TBC1D17: variants seen among roughly 807,000 people sequenced by gnomAD.
TBC1D17 encodes TBC1 domain family, member 17.
TBC1D17 carries 69 observed loss-of-function variants against 78.8 expected under a neutral mutation model. The ratio of observed to expected loss-of-function variants is 0.88; its 90% confidence interval spans 0.72 to 1.07. The LOEUF is 1.07. TBC1D17 is among the 50% of genes least tolerant of loss of function. The pLI is 0.00. For synonymous variants in TBC1D17, 456 were observed against 358.3 expected, an observed-to-expected ratio of 1.27 and a Z score of -3.08; for missense variants, 957 against 861.0, an observed-to-expected ratio of 1.11 and a Z score of -1.39.
At chr19:49,878,637 A>G in intron 3 of TBC1D17, 65 bp downstream of exon 3, 2 of 1,501,844 alleles carry the variant, frequency 1.3e-6, no homozygotes, top group Admixed American at 1.7e-5. Flanking sequence ...GTTGTAAGTC[A>G]TTTGAGGGAC....
At chr19:49,887,056 C>T (rs1228152121) in intron 13 of TBC1D17, 11 of 222,080 alleles carry the variant, frequency 5.0e-5, no homozygotes, top group African/African-American at 1.6e-4. Context: ...TGGCTGGTCT[C>T]GAACTCCTGA....
chr19:49,878,158 G>A lies in TBC1D17; in HGVS notation c.37G>A (p.Gly13Ser), dbSNP rs770579085. The change falls in exon 2 of 17, where the codon GGC becomes AGC. Residue 13 changes from glycine (G) to serine (S), a missense_variant. Physicochemically the swap from Gly to Ser is moderately conservative, Grantham distance 56. Coordinates refer to ENST00000221543, the MANE Select transcript of TBC1D17 (RefSeq NM_024682.3). Reference protein sequence around the residue: ...GAGYRVVFEKGGVYLHTSAKK... With the variant: ...GAGYRVVFEKSGVYLHTSAKK... The stretch of plus-strand genomic sequence containing the variant: ...CCCAACTCAGGTGGTGTTTGAGAAG[G>A]GCGGAGTGTACCTGCACACCAGCGC... 2.5e-6 allele frequency: 4 copies of A among 1,578,312 alleles called. No homozygotes were observed. The South Asian group carries it at 3.5e-5, about 14-fold the overall frequency.
In TBC1D17 at chr19:49,881,445, G is replaced by T. The variant is rs573671420; in HGVS notation, c.497G>T (p.Arg166Leu). The T allele has an allele frequency of 6.2e-7, 1 of 1,610,718 alleles. No homozygotes were observed. Among genetic ancestry groups the T allele is most frequent in the African/African-American group, 1.3e-5 (1 of 74,896 alleles). Residue 166 changes from arginine (R) to leucine (L), a missense_variant, in exon 5 of 17, where the codon CGC becomes CTC. Coordinates refer to ENST00000221543, the MANE Select transcript of TBC1D17 (RefSeq NM_024682.3). ...CGCGGGGGCACCCGCGCCCTGCTCCGCGTCCTCAGCCGCTACCTGCTGTTG... is the reference window on the plus strand; with the variant it reads ...CGCGGGGGCACCCGCGCCCTGCTCCTCGTCCTCAGCCGCTACCTGCTGTTG... ...FHRGGTRALL[R>L]VLSRYLLLAS...
At chr19:49,880,943 G>T (rs558388897) in intron 4 of TBC1D17, among the ~76,000 whole-genome samples, 1 of 152,322 alleles carries the variant, frequency 6.6e-6, no homozygotes, top group African/African-American at 2.4e-5. Flanking sequence ...TCAAGTGTGG[G>T]ATTTTGAGTG....
At position 49,880,404 on chromosome 19, in the gene TBC1D17, T is replaced by C. The variant is rs1254822198; in HGVS notation, c.319+2T>C. 1.9e-6 allele frequency: 3 copies of C among 1,612,112 alleles called. No homozygotes were observed. The highest frequency in any genetic ancestry group is 1.7e-6 in the Non-Finnish European group (2 of 1,178,860). On this transcript the variant is annotated splice_donor_variant, in intron 4 of 16. Transcript: ENST00000221543. LOFTEE classifies it high-confidence loss of function. ...TCTGCCACTCAGAGCCCACGAGAGG[T>C]AGGCTGAGGTGGCGGCCCTTGAGAA...
At position 49,882,056 on chromosome 19, in the gene TBC1D17, C is replaced by T. The variant is rs2075019263; in HGVS notation, c.543C>T (p.Ser181=). 8 of 1,613,934 alleles carry T rather than the reference C, an allele frequency of 5.0e-6. No homozygotes were observed. Among genetic ancestry groups the T allele is most frequent in the South Asian group, 1.1e-5 (1 of 91,082 alleles). ...YLLLASSPQD[S]RLYLVFPHDS... ...CGCCTCCCAGCTCCCCGCAGGACTCCCGCCTCTACCTTGTCTTCCCCCACG... is the reference window on the plus strand; with the variant it reads ...CGCCTCCCAGCTCCCCGCAGGACTCTCGCCTCTACCTTGTCTTCCCCCACG... Residue 181 remains serine (S), a synonymous_variant, in exon 6 of 17, where the codon TCC becomes TCT. Coordinates refer to ENST00000221543, the MANE Select transcript of TBC1D17 (RefSeq NM_024682.3).
intron 13 of TBC1D17, chr19:49,886,730 A>T (rs929662254): frequency 6.6e-6 from 1 of 152,372 alleles, no homozygotes; most frequent in Non-Finnish European, 1.5e-5. Context: ...CTCAAAGGTT[A>T]GAATGCTCAG....
At chr19:49,878,631 T>C in intron 3 of TBC1D17, 59 bp downstream of exon 3, 1 of 1,548,880 alleles carries the variant, frequency 6.5e-7, no homozygotes, top group Non-Finnish European at 8.9e-7. Context: ...CGTGCTGTTG[T>C]AAGTCATTTG....
chr19:49,880,337 A>G lies in TBC1D17; in HGVS notation c.254A>G (p.Tyr85Cys), dbSNP rs150711060. Reference protein sequence around the residue: ...SEEEPTFDPGYEPDWAVISTV... With the variant: ...SEEEPTFDPGCEPDWAVISTV... ...GAGGAACCAACCTTTGACCCCGGCTATGAACCTGACTGGGCTGTCATCAGC... is the reference window on the plus strand; with the variant it reads ...GAGGAACCAACCTTTGACCCCGGCTGTGAACCTGACTGGGCTGTCATCAGC... The change falls in exon 4 of 17, where the codon TAT becomes TGT. Residue 85 changes from tyrosine to cysteine, a missense_variant. Transcript: ENST00000221543. 2.5e-5 allele frequency: 41 copies of G among 1,613,960 alleles called. No individual in the cohort carries two copies. The Middle Eastern group carries it at 4.9e-4, about 19-fold the overall frequency.
At chr19:49,888,206 G>A in intron 15 of TBC1D17, 25 bp from the exon 16 acceptor site, 18 of 1,561,488 alleles carry the variant, frequency 1.2e-5, no homozygotes, top group Non-Finnish European at 1.6e-5. Context: ...GTGCCGACTG[G>A]CGCCTGACCC....
At chr19:49,878,384 C>A in intron 2 of TBC1D17, 114 bp from the exon 3 acceptor site, 2 of 1,259,592 alleles carry the variant, frequency 1.6e-6, no homozygotes, top group Non-Finnish European at 2.3e-6. Context: ...GAATGAGGGG[C>A]GGGACTTTGA....
Position 49,882,995 on chromosome 19 carries a change from G to T in TBC1D17, c.950G>T (p.Arg317Leu), listed in dbSNP as rs139889935. The change falls in exon 9 of 17, where the codon CGC (arginine) becomes CTC (leucine). Residue 317 changes from arginine to leucine, a missense_variant. Physicochemically the swap from Arg to Leu is moderately radical, Grantham distance 102 (BLOSUM62 -2). Transcript: ENST00000221543. ...CAGGGTCTGAGCCCCAGCCTGCGGCGCGAGGCCTGGAAGTTCCTCCTAGGG... is the reference window on the plus strand; with the variant it reads ...CAGGGTCTGAGCCCCAGCCTGCGGCTCGAGGCCTGGAAGTTCCTCCTAGGG... ...FSGGLSPSLRREAWKFLLGYL... is the reference protein window; with the variant it reads ...FSGGLSPSLRLEAWKFLLGYL... 2 of 1,610,796 alleles carry T rather than the reference G, an allele frequency of 1.2e-6. No homozygotes were observed. Among genetic ancestry groups the T allele is most frequent in the Non-Finnish European group, 1.7e-6 (2 of 1,178,654 alleles).
chr19:49,884,210 C>T (rs1568676383), intron 10 of TBC1D17, 43 bp from the exon 11 acceptor site: 1 of 1,577,976 alleles, frequency 6.3e-7, no homozygotes. Context: ...GGATGGGCCC[C>T]CCTACCTTTC....
chr19:49,882,386 G>A lies in TBC1D17; in HGVS notation c.784G>A (p.Glu262Lys), dbSNP rs1377209858. 1.9e-6 allele frequency: 3 copies of A among 1,606,334 alleles called. No homozygotes were observed. Among genetic ancestry groups the A allele is most frequent in the African/African-American group, 2.7e-5 (2 of 74,914 alleles). Residue 262 changes from glutamate (E) to lysine (K), a missense_variant, in exon 7 of 17, where the codon GAG (glutamate) becomes AAG (lysine). Physicochemically the swap from Glu to Lys is moderately conservative, Grantham distance 56. Transcript: ENST00000221543. ...CGACGATGAGCCCGAGCCTGGATTC[G>A]AGGTCATTTCCTGTGTGAGTAGTGA... ...PPDDEPEPGF[E>K]VISCVELGPR...
chr19:49,884,513 A>C lies in TBC1D17; in HGVS notation c.1298A>C (p.Asn433Thr), dbSNP rs2075042951. 1 of 1,614,108 alleles carries C rather than the reference A, an allele frequency of 6.2e-7. No homozygotes were observed. Among genetic ancestry groups the C allele is most frequent in the Non-Finnish European group, 8.5e-7 (1 of 1,180,012 alleles). ...LLSPILYVIQ[N>T]EVDAFWCFCG... Reference sequence around the variant, plus strand: ...TCCCCGATCCTCTACGTCATTCAGAACGAGGTGGATGCTTTCTGGTGTTTC... The same window carrying C: ...TCCCCGATCCTCTACGTCATTCAGACCGAGGTGGATGCTTTCTGGTGTTTC... Residue 433 changes from asparagine to threonine, a missense_variant, in exon 12 of 17, where the codon AAC (asparagine) becomes ACC (threonine). Transcript: ENST00000221543.
At position 49,887,941 on chromosome 19, in the gene TBC1D17, G is replaced by A. The variant is rs1600455467; in HGVS notation, c.1659+107G>A. ...TTTAGTGTGGGATTATTGAAAGCCT[G>A]GTTAGTTGGGAGCGCAGTGGGGGTG... is the stretch of plus-strand genomic sequence containing the variant. On this transcript the variant is annotated intron_variant, in intron 15 of 16. Coordinates refer to ENST00000221543, the MANE Select transcript of TBC1D17 (RefSeq NM_024682.3). 6 of 1,081,608 alleles carry A rather than the reference G, an allele frequency of 5.5e-6. No homozygotes were observed. In the South Asian group the frequency reaches 6.3e-5, roughly 11 times the overall value. 67.0% of individuals were successfully genotyped at this position (1,081,608 alleles called of 1,614,324 possible).
At chr19:49,887,613 G>T (rs767412358) in intron 14 of TBC1D17, 40 bp downstream of exon 14, 7 of 1,611,910 alleles carry the variant, frequency 4.3e-6, no homozygotes, top group Non-Finnish European at 5.9e-6. Context: ...GAAGGGGTGG[G>T]CTCACCTGCC....
intron 15 of TBC1D17, 85 bp from the exon 16 acceptor site, chr19:49,888,146 T>C: frequency 1.3e-6 from 2 of 1,545,532 alleles, no homozygotes; most frequent in Non-Finnish European, 8.7e-7. Context: ...TGTGTCTTCA[T>C]TGTTTCCCAG....
At chr19:49,879,978 C>T (rs1475893722) in intron 3 of TBC1D17, among the ~76,000 whole-genome samples, 5 of 151,748 alleles carry the variant, frequency 3.3e-5, no homozygotes, top group African/African-American at 4.8e-5. Context: ...CTCACCCTCC[C>T]GAGTAGCTGG....
Sources: gnomAD v4.1 joint callset for allele counts (sites outside exome capture counted in the v4.1 genomes callset) on GRCh38, gnomAD v4.1.1 for gene constraint, MANE v1.5 for transcripts, NCBI Gene and HGNC (gene_info 2026-07-23, HGNC 2026-07-21) for gene names.